Variants in GNG7 observed in about 807,000 individuals in gnomAD.
The protein encoded by GNG7 is guanine nucleotide-binding protein G(I)/G(S)/G(O) subunit gamma-7.
GNG7 carries 1 observed loss-of-function variant against 4.0 expected under a neutral mutation model. The observed-to-expected ratio is 0.25, with a 90% CI of 0.09 to 1.18. The LOEUF is 1.18. Ranked by LOEUF, GNG7 falls within the 50% of genes most tolerant of loss-of-function variation. GNG7 has a pLI of 0.50. For missense variants in GNG7, 86 were observed against 91.9 expected (o/e 0.94, Z 0.26); for synonymous variants, 34 against 36.9 (o/e 0.92, Z 0.29).
At chr19:2,679,671 C>A (rs1186433490) in intron 1 of GNG7, among the ~76,000 whole-genome samples, 1 of 152,134 alleles carries the variant, frequency 6.6e-6, no homozygotes, top group Non-Finnish European at 1.5e-5. Context: ...ATTCCAGAAC[C>A]CTCCATGATT....
chr19:2,670,149 C>T (rs1323205576), intron 1 of GNG7, among the ~76,000 whole-genome samples: 1 of 152,114 alleles, frequency 6.6e-6, no homozygotes, highest in Admixed American at 6.6e-5. Flanking sequence ...TCTGAGTGCT[C>T]CGTTAATATT....
chr19:2,619,790 G>A (rs528332738), intron 2 of GNG7, among the ~76,000 whole-genome samples: 1 of 152,104 alleles, frequency 6.6e-6, no homozygotes, highest in South Asian at 2.1e-4. Context: ...GACTGCTCAT[G>A]GGGGACAGGG....
At chr19:2,578,586 C>T (rs1460038893) in intron 2 of GNG7, among the ~76,000 whole-genome samples, 1 of 152,174 alleles carries the variant, frequency 6.6e-6, no homozygotes, top group Non-Finnish European at 1.5e-5. Context: ...TCATCGCTAA[C>T]CAGGCCGGAG....
chr19:2,578,356 G>C (rs2144788537), intron 2 of GNG7, among the ~76,000 whole-genome samples: 1 of 152,270 alleles, frequency 6.6e-6, no homozygotes, highest in East Asian at 1.9e-4. Context: ...GACTCGCCCT[G>C]TTCTCTACTA....
intron 2 of GNG7, among the ~76,000 whole-genome samples, chr19:2,616,706 G>A (rs1022679561): frequency 2.0e-5 from 3 of 151,946 alleles, no homozygotes; most frequent in Admixed American, 6.6e-5. Flanking sequence ...CCGGGAGGCA[G>A]AGGTTGCAGG....
intron 1 of GNG7, among the ~76,000 whole-genome samples, chr19:2,685,243 T>G (rs1983843642): frequency 6.6e-6 from 1 of 151,882 alleles, no homozygotes; most frequent in African/African-American, 2.4e-5. Flanking sequence ...GATGAGAAAG[T>G]TCTGGAGGGG....
At position 2,517,988 on chromosome 19, in the gene GNG7, G is replaced by A. The variant is rs113418079; in HGVS notation, c.81+2620C>T. Among the ~76,000 whole-genome samples, 865 of 152,298 alleles carry A rather than the reference G, an allele frequency of 5.7e-3. 9 individuals are homozygous for A. The highest frequency in any genetic ancestry group is 0.014 in the Middle Eastern group (4 of 294). On this transcript the variant is annotated intron_variant, in intron 4 of 4. Transcript: ENST00000382159. ...GCCGGCTGCGGCCTGTGATGACTCGGACCTGGCCTGCTTTCTAGACTTCTA... is the reference window on the plus strand; with the variant it reads ...GCCGGCTGCGGCCTGTGATGACTCGAACCTGGCCTGCTTTCTAGACTTCTA...
chr19:2,575,816 C>T lies in GNG7; in HGVS notation c.-77-20628G>A, dbSNP rs541197442. Among the ~76,000 whole-genome samples the T allele has an allele frequency of 6.7e-5, 9 of 133,364 alleles. No individual in the cohort carries two copies. The South Asian group carries it at 1.1e-3, about 17-fold the overall frequency. 87.5% of individuals were successfully genotyped at this position (133,364 alleles called of 152,430 possible). A position where few individuals can be genotyped will look rare whatever the true frequency, so the allele number is the denominator to read the frequency against. On this transcript the variant is annotated intron_variant, in intron 2 of 4. Coordinates refer to ENST00000382159, the MANE Select transcript of GNG7 (RefSeq NM_052847.3). ...AGGCACACACAGACATGCAGACACACGCAGGCACACGCAGACAGGCAGGCA... is the reference window on the plus strand; with the variant it reads ...AGGCACACACAGACATGCAGACACATGCAGGCACACGCAGACAGGCAGGCA...
At chr19:2,600,344 C>T (rs745311833) in intron 2 of GNG7, among the ~76,000 whole-genome samples, 2 of 151,678 alleles carry the variant, frequency 1.3e-5, no homozygotes, top group Non-Finnish European at 2.9e-5. Flanking sequence ...TAATAGAAGA[C>T]AGCTGGATTC....
At chr19:2,573,555 A>T (rs111678841) in intron 2 of GNG7, among the ~76,000 whole-genome samples, 1 of 151,854 alleles carries the variant, frequency 6.6e-6, no homozygotes, top group African/African-American at 2.4e-5. Context: ...GGTGGCTCAC[A>T]CCTGTAATCC....
rs1007526229 is a variant in GNG7, at chr19:2,618,800, C to T, written c.-78+27424G>A. On this transcript the variant is annotated intron_variant, in intron 2 of 4. Transcript: ENST00000382159. The surrounding 1 kb of genome is among the most constrained non-coding windows in gnomAD (Gnocchi z 5.1). ...CAGGGCATTGCTCACAGCTGGGGAA[C>T]GCTGGCACCTTCCTAGTAACCAAAT... Among the ~76,000 whole-genome samples, 1 of 152,130 alleles carries T rather than the reference C, an allele frequency of 6.6e-6. No homozygotes were observed. The highest frequency in any genetic ancestry group is 1.5e-5 in the Non-Finnish European group (1 of 68,026).
intron 2 of GNG7, among the ~76,000 whole-genome samples, chr19:2,627,442 C>A (rs928325174): frequency 6.6e-6 from 1 of 152,210 alleles, no homozygotes. Flanking sequence ...TTCCTCCGGG[C>A]GCCTGTCCTC....
At chr19:2,619,257 T>C (rs1981803221) in intron 2 of GNG7, among the ~76,000 whole-genome samples, 1 of 152,126 alleles carries the variant, frequency 6.6e-6, no homozygotes, top group African/African-American at 2.4e-5. Flanking sequence ...CTGGACCACA[T>C]CTAGCTGACT....
chr19:2,581,160 ATGCAC>A (rs1440387978), intron 2 of GNG7, among the ~76,000 whole-genome samples: 2 of 151,990 alleles, frequency 1.3e-5, no homozygotes, highest in Non-Finnish European at 2.9e-5. Context: ...CTGTGGGAAA[ATGCAC>A]TATGATGTCC....
At chr19:2,548,616 C>T (rs1388500359) in intron 3 of GNG7, among the ~76,000 whole-genome samples, 1 of 151,492 alleles carries the variant, frequency 6.6e-6, no homozygotes, top group Admixed American at 6.6e-5. Flanking sequence ...TGGTGAAACC[C>T]CATCTCTACT....
In GNG7 at chr19:2,626,919, AG is replaced by A. The variant is rs1982035894; in HGVS notation, c.-78+19304del. ...TCCAGTGTCAGTGTCCACAGTGCCC[AG>A]GGGGAGAGACCTGCTTTAATTATTT... On this transcript the variant is annotated intron_variant, in intron 2 of 4. Coordinates refer to ENST00000382159, the MANE Select transcript of GNG7 (RefSeq NM_052847.3). This position sits in a 1 kb window ranked among gnomAD's most constrained non-coding sequence, Gnocchi z 5.0. 6.6e-6 allele frequency among the ~76,000 whole-genome samples: 1 copy of A among 151,898 alleles called. No homozygotes were observed. Among genetic ancestry groups the A allele is most frequent in the South Asian group, 2.1e-4 (1 of 4,816 alleles).
rs1972666342 is a variant in GNG7 at position 2,512,212 on chromosome 19, C to CGCGCTCCTG, written c.*2801_*2809dup. 1 of 985,742 alleles carries CGCGCTCCTG rather than the reference C, an allele frequency of 1.0e-6. No individual in the cohort carries two copies. Among genetic ancestry groups the CGCGCTCCTG allele is most frequent in the Non-Finnish European group, 1.2e-6 (1 of 829,972 alleles). 61.1% of individuals were successfully genotyped at this position (985,742 alleles called of 1,614,324 possible). ...CCAGCTCCCCGTCTGGAGGTGCACG[C>CGCGCTCCTG]GCGCTCCTGGAAACGCCCATAAAAC... On this transcript the variant is annotated 3_prime_UTR_variant, in exon 5 of 5. Coordinates refer to ENST00000382159, the MANE Select transcript of GNG7 (RefSeq NM_052847.3). The surrounding 1 kb of genome is among the most constrained non-coding windows in gnomAD (Gnocchi z 4.7).
At chr19:2,555,724 A>G (rs1340019978) in intron 2 of GNG7, among the ~76,000 whole-genome samples, 1 of 151,990 alleles carries the variant, frequency 6.6e-6, no homozygotes, top group Non-Finnish European at 1.5e-5. Flanking sequence ...TGAGCCGCCC[A>G]GGGCCAGGAG....
At chr19:2,596,977 G>T (rs1263193362) in intron 2 of GNG7, among the ~76,000 whole-genome samples, 2 of 151,572 alleles carry the variant, frequency 1.3e-5, no homozygotes, top group Non-Finnish European at 2.9e-5. Flanking sequence ...CACAGGTATA[G>T]GCTGGGCTCG....
Sources: allele counts gnomAD v4.1 joint callset (sites outside exome capture counted in the v4.1 genomes callset), GRCh38; gene constraint gnomAD v4.1.1; non-coding constraint Gnocchi (gnomAD v3.1); transcripts MANE v1.5; gene names NCBI Gene and HGNC (gene_info 2026-07-23, HGNC 2026-07-21).